The following SPHKAP variants were observed in gnomAD, a reference collection of about 807,000 sequenced individuals.
SPHKAP encodes the protein A-kinase anchor protein SPHKAP.
Under a neutral mutation model 137.5 loss-of-function variants are expected in SPHKAP, and 67 were observed. The ratio of observed to expected loss-of-function variants is 0.49; its 90% CI spans 0.40 to 0.60. The LOEUF is 0.60. Among genes scored for constraint, SPHKAP ranks in the 20% least tolerant of loss-of-function variants. The probability of loss-of-function intolerance (pLI) is 0.00; values close to 1 mark genes in which losing one functional copy is unlikely to be tolerated. For missense variants in SPHKAP, 2,097 were observed against 2,069.3 expected (o/e 1.01, Z -0.26); for synonymous variants, 813 against 785.3 (o/e 1.04, Z -0.59).
intron 3 of SPHKAP, among the ~76,000 whole-genome samples, chr2:228,060,749 C>A (rs1162566808): frequency 6.6e-6 from 1 of 152,094 alleles, no homozygotes; most frequent in African/African-American, 2.4e-5. Context: ...GAGAAAGCCA[C>A]AGAGAGCCTG....
At chr2:227,997,170 CTCTA>C (rs2106170926) in intron 7 of SPHKAP, among the ~76,000 whole-genome samples, 1 of 152,322 alleles carries the variant, frequency 6.6e-6, no homozygotes, top group African/African-American at 2.4e-5. Flanking sequence ...TGAAGCCAAA[CTCTA>C]TCCGTTGTGG....
intron 1 of SPHKAP, among the ~76,000 whole-genome samples, chr2:228,156,586 T>C (rs781045647): frequency 2.0e-5 from 3 of 152,220 alleles, no homozygotes; most frequent in Non-Finnish European, 4.4e-5. Context: ...TCTGTGTGCA[T>C]GTTCATTCTT....
At chr2:228,143,667 T>C (rs1227380135) in intron 1 of SPHKAP, among the ~76,000 whole-genome samples, 3 of 143,542 alleles carry the variant, frequency 2.1e-5, no homozygotes, top group Admixed American at 1.4e-4. Flanking sequence ...CACCTGGCTT[T>C]TTTTTTTTTT....
At chr2:228,136,063 G>A (rs989765587) in intron 1 of SPHKAP, among the ~76,000 whole-genome samples, 11 of 152,172 alleles carry the variant, frequency 7.2e-5, no homozygotes, top group African/African-American at 2.7e-4. Flanking sequence ...CTCTAGAGAA[G>A]CAGAACATTT....
At chr2:228,029,226 T>G (rs56856052) in intron 3 of SPHKAP, among the ~76,000 whole-genome samples, 25,565 of 152,198 alleles carry the variant, frequency 0.17, 2,363 homozygotes, top group East Asian at 0.39. Context: ...GTTACAAAAC[T>G]GAGAACATTA....
chr2:228,148,020 C>G (rs1189706057), intron 1 of SPHKAP, among the ~76,000 whole-genome samples: 29 of 152,332 alleles, frequency 1.9e-4, no homozygotes, highest in Admixed American at 1.8e-3. Flanking sequence ...GGCCTGTGCT[C>G]TTTCCTGGAT....
At chr2:228,058,348 A>G in intron 3 of SPHKAP, among the ~76,000 whole-genome samples, 1 of 152,192 alleles carries the variant, frequency 6.6e-6, no homozygotes, top group East Asian at 1.9e-4. Context: ...TTTAACCCTC[A>G]GGCTCATTAT....
intron 11 of SPHKAP, among the ~76,000 whole-genome samples, chr2:227,988,476 A>C (rs975251027): frequency 6.6e-6 from 1 of 152,226 alleles, no homozygotes; most frequent in African/African-American, 2.4e-5. Flanking sequence ...ACAAATACCA[A>C]GTCAGGGCAT....
chr2:228,082,286 T>C (rs1313958977), intron 3 of SPHKAP, among the ~76,000 whole-genome samples: 1 of 152,200 alleles, frequency 6.6e-6, no homozygotes, highest in African/African-American at 2.4e-5. Context: ...GAGTTCAGGC[T>C]CAGATTTCAT....
chr2:228,027,899 G>A, intron 3 of SPHKAP: 1 of 526,660 alleles, frequency 1.9e-6, no homozygotes, highest in Non-Finnish European at 2.4e-6. Context: ...CCAGGAGGCG[G>A]AGGTTGCAGT....
Position 227,988,878 on chromosome 2 carries a change from C to A in SPHKAP, c.4959+2122G>T, listed in dbSNP as rs1029494308. Among the ~76,000 whole-genome samples the A allele has an allele frequency of 2.6e-5, 4 of 152,088 alleles. No individual in the cohort carries two copies. In the East Asian group the frequency reaches 7.7e-4, roughly 29 times the overall value. ...TATCAAATAGTGAACCGCTCAACAC[C>A]TTGTAAATGAAAGTATGACAAGTAT... is the stretch of plus-strand genomic sequence containing the variant. On this transcript the variant is annotated intron_variant, in intron 11 of 11. Transcript: ENST00000392056.
chr2:228,173,358 T>C (rs1218325737), intron 1 of SPHKAP, among the ~76,000 whole-genome samples: 1 of 152,208 alleles, frequency 6.6e-6, no homozygotes, highest in East Asian at 1.9e-4. Context: ...ATCTGTAGTA[T>C]ATGTGACATT....
intron 7 of SPHKAP, among the ~76,000 whole-genome samples, chr2:227,999,781 CATTT>C (rs1693779299): frequency 6.6e-6 from 1 of 150,920 alleles, no homozygotes; most frequent in Non-Finnish European, 1.5e-5. Flanking sequence ...CAGTTCTGCT[CATTT>C]ATTTATGAAT....
chr2:228,175,518 A>G (rs1001266784), intron 1 of SPHKAP, among the ~76,000 whole-genome samples: 8 of 152,180 alleles, frequency 5.3e-5, no homozygotes, highest in Admixed American at 2.0e-4. Flanking sequence ...TAAATCCTGG[A>G]GCAACCACAC....
chr2:228,179,243 A>G (rs1050483784), intron 1 of SPHKAP, among the ~76,000 whole-genome samples: 2 of 152,210 alleles, frequency 1.3e-5, no homozygotes, highest in African/African-American at 4.8e-5. Flanking sequence ...TCAGACTTGG[A>G]CATCACAAGC....
intron 3 of SPHKAP, among the ~76,000 whole-genome samples, chr2:228,038,482 C>CT (rs1695719374): frequency 6.6e-6 from 1 of 152,068 alleles, no homozygotes; most frequent in Admixed American, 6.6e-5. Context: ...AGTGGGGAGG[C>CT]TAGGGCTGCA....
chr2:228,037,731 C>T (rs576989329), intron 3 of SPHKAP, among the ~76,000 whole-genome samples: 3 of 152,118 alleles, frequency 2.0e-5, no homozygotes, highest in Admixed American at 6.6e-5. Context: ...GTTAAAATAT[C>T]TTACTTTGAA....
Position 228,124,499 on chromosome 2 carries a change from C to T in SPHKAP, c.138+7481G>A, listed in dbSNP as rs572596920. Among the ~76,000 whole-genome samples, 1,238 of 150,010 alleles carry T rather than the reference C, an allele frequency of 8.3e-3. 13 individuals carry two copies. Among genetic ancestry groups the T allele is most frequent in the African/African-American group, 0.028 (1,160 of 40,746 alleles). On this transcript the variant is annotated intron_variant, in intron 2 of 11. Transcript: ENST00000392056. Reference sequence around the variant, plus strand: ...ATCTCAAGGACAAAAAACCAAACACCACACGTTCTCACTCATAGGTGGGAA... The same window carrying T: ...ATCTCAAGGACAAAAAACCAAACACTACACGTTCTCACTCATAGGTGGGAA...
chr2:228,082,799 T>G lies in SPHKAP; in HGVS notation c.246+26033A>C, dbSNP rs116929547. On this transcript the variant is annotated intron_variant, in intron 3 of 11. Transcript: ENST00000392056. ...AATAATACTCTTTACCCCTCAGAGA[T>G]GCTGTCGGAATTAATGAATCCACCT... Among the ~76,000 whole-genome samples, 111 of 152,312 alleles carry G rather than the reference T, an allele frequency of 7.3e-4. 1 individual carries two copies. The East Asian group carries it at 0.019, about 25-fold the overall frequency.
Sources: allele counts gnomAD v4.1 joint callset (sites outside exome capture counted in the v4.1 genomes callset), GRCh38; gene constraint gnomAD v4.1.1; transcripts MANE v1.5; gene names NCBI Gene and HGNC (gene_info 2026-07-23, HGNC 2026-07-21).